Variants in MMP1 observed in about 807,000 individuals in gnomAD.
MMP1 encodes matrix metallopeptidase 1.
In MMP1, 51 loss-of-function variants were observed where a neutral mutation model predicts 49.6. That is an observed-to-expected ratio of 1.03 (90% confidence interval 0.82 to 1.30). The LOEUF (loss-of-function observed/expected upper bound fraction) is 1.30. MMP1 is among the 50% of genes most tolerant of loss of function. The pLI is 0.00. For synonymous variants in MMP1, 230 were observed against 196.8 expected, an observed-to-expected ratio of 1.17 and a Z score of -1.41; for missense variants, 623 against 568.7, an observed-to-expected ratio of 1.10 and a Z score of -0.97.
rs751676679 is a variant in MMP1 at position 102,795,148 on chromosome 11, A to G, written c.899+26T>C. 6 of 1,507,044 alleles carry G rather than the reference A, an allele frequency of 4.0e-6. No individual in the cohort carries two copies. In the African/African-American group the frequency reaches 4.1e-5, roughly 10 times the overall value. The allele number at this position is 1,507,044 out of a possible 1,614,324, so 93.4% of individuals were successfully genotyped here. On this transcript the variant is annotated intron_variant, in intron 6 of 9. Transcript: ENST00000315274. ...AATGTTGTTATTATTACAAATGCAGATCACAAAGAAGAACTGACATCTTAC... is the reference window on the plus strand; with the variant it reads ...AATGTTGTTATTATTACAAATGCAGGTCACAAAGAAGAACTGACATCTTAC...
At position 102,797,240 on chromosome 11, in the gene MMP1, C is replaced by T. The variant is rs538195322; in HGVS notation, c.350+16G>A. 2 of 1,614,026 alleles carry T rather than the reference C, an allele frequency of 1.2e-6. No individual in the cohort carries two copies. The highest frequency in any genetic ancestry group is 1.1e-5 in the South Asian group (1 of 91,056). On this transcript the variant is annotated intron_variant, in intron 2 of 9. Transcript: ENST00000315274. ...ATGGGAAATAGCTCTCTCACTCTGG[C>T]CCTCAGTCTGCCTACCTGTAGGTCA...
At position 102,794,908 on chromosome 11, in the gene MMP1, C is replaced by T. The variant is rs1858137715; in HGVS notation, c.899+266G>A. On this transcript the variant is annotated intron_variant, in intron 6 of 9. Transcript: ENST00000315274. This position sits in a 1 kb window ranked among gnomAD's most constrained non-coding sequence, Gnocchi z 4.3. Reference sequence around the variant, plus strand: ...AAAAGATCTCTTTCCTTCTCTCTGACTTACTTTGCTAATCTGTAAAAAAAG... The same window carrying T: ...AAAAGATCTCTTTCCTTCTCTCTGATTTACTTTGCTAATCTGTAAAAAAAG... 6.6e-6 allele frequency among the ~76,000 whole-genome samples: 1 copy of T among 152,194 alleles called. No homozygotes were observed. The highest frequency in any genetic ancestry group is 1.5e-5 in the Non-Finnish European group (1 of 68,040).
intron 6 of MMP1, among the ~76,000 whole-genome samples, chr11:102,793,705 T>C (rs557555796): frequency 6.6e-6 from 1 of 152,234 alleles, no homozygotes; most frequent in African/African-American, 2.4e-5. Flanking sequence ...GAGGCTAAGG[T>C]TGATTTTTAA....
At chr11:102,790,969 TA>T (rs1858012762) in intron 8 of MMP1, among the ~76,000 whole-genome samples, 163 bp from the exon 9 acceptor site, 1 of 152,240 alleles carries the variant, frequency 6.6e-6, no homozygotes, top group African/African-American at 2.4e-5. Context: ...TTGGGTGAAC[TA>T]AAAGGCCTTT....
chr11:102,797,925 C>A, intron 1 of MMP1, 63 bp downstream of exon 1: 2 of 1,249,906 alleles, frequency 1.6e-6, no homozygotes, highest in South Asian at 1.4e-5. Context: ...AACTCTATTA[C>A]ATTACTGCAG....
chr11:102,797,485 A>G lies in MMP1; in HGVS notation c.121T>C (p.Tyr41His). The G allele has an allele frequency of 3.1e-6, 5 of 1,613,934 alleles. No homozygotes were observed. Among genetic ancestry groups the G allele is most frequent in the Non-Finnish European group, 3.4e-6 (4 of 1,179,950 alleles). Reference sequence around the variant, plus strand: ...CTCCCATCATTCTTCAGGTTGTAGTATTTTTCCAGGTATTTCTGACAAAAG... The same window carrying G: ...CTCCCATCATTCTTCAGGTTGTAGTGTTTTTCCAGGTATTTCTGACAAAAG... ...VDLVQKYLEK[Y>H]YNLKNDGRQV... The change falls in exon 2 of 10, where the codon TAC becomes CAC. Residue 41 changes from tyrosine to histidine, a missense_variant. By Grantham distance (83) the Tyr-to-His change is moderately conservative (BLOSUM62 2). Transcript: ENST00000315274.
chr11:102,795,141 A>G lies in MMP1; in HGVS notation c.899+33T>C, dbSNP rs1338540902. ...AGTGGTGAATGTTGTTATTATTACA[A>G]ATGCAGATCACAAAGAAGAACTGAC... On this transcript the variant is annotated intron_variant, in intron 6 of 9. Transcript: ENST00000315274. 4.1e-6 allele frequency: 6 copies of G among 1,457,422 alleles called. No homozygotes were observed. In the East Asian group the frequency reaches 9.1e-5, roughly 22 times the overall value. The allele number at this position is 1,457,422 out of a possible 1,614,324, so 90.3% of individuals were successfully genotyped here.
chr11:102,796,779 G>T lies in MMP1; in HGVS notation c.510C>A (p.Asp170Glu), dbSNP rs747957502. The T allele has an allele frequency of 7.4e-6, 12 of 1,612,914 alleles. No individual in the cohort carries two copies. The East Asian group carries it at 2.5e-4, about 33-fold the overall frequency. The change falls in exon 4 of 10, where the codon GAC becomes GAA. Residue 170 changes from aspartate (D) to glutamate (E), a missense_variant. Coordinates refer to ENST00000315274, the MANE Select transcript of MMP1 (RefSeq NM_002421.4). The part of the protein sequence containing the change: ...MISFVRGDHR[D>E]NSPFDGPGGN... ...CTCCAGGTCCATCAAAAGGAGAGTT[G>T]TCCCGATGATCTGAAAGAAACAATT... is the stretch of plus-strand genomic sequence containing the variant.
Position 102,798,156 on chromosome 11 carries a change from A to G in MMP1, c.-64T>C, listed in dbSNP as rs56052220. The G allele has an allele frequency of 1.5e-6, 2 of 1,355,622 alleles. No homozygotes were observed. The highest frequency in any genetic ancestry group is 1.0e-6 in the Non-Finnish European group (1 of 983,766). The allele number at this position is 1,355,622 out of a possible 1,614,324, so 84.0% of individuals were successfully genotyped here. On this transcript the variant is annotated 5_prime_UTR_variant, in exon 1 of 10. Coordinates refer to ENST00000315274, the MANE Select transcript of MMP1 (RefSeq NM_002421.4). Reference sequence around the variant, plus strand: ...TGGCTTCCCAGCCTCTTGCTGCTCCAATATCCCAGCTAGGAAGCTCCCTCT... The same window carrying G: ...TGGCTTCCCAGCCTCTTGCTGCTCCGATATCCCAGCTAGGAAGCTCCCTCT...
In MMP1 at chr11:102,797,956, T is replaced by G. The variant is rs17880344; in HGVS notation, c.105+32A>C. Reference sequence around the variant, plus strand: ...TGCAGAAAAATACAAACTAAAAATTTACATTATTGTCACATGCAATGCAGC... The same window carrying G: ...TGCAGAAAAATACAAACTAAAAATTGACATTATTGTCACATGCAATGCAGC... On this transcript the variant is annotated intron_variant, in intron 1 of 9. Coordinates refer to ENST00000315274, the MANE Select transcript of MMP1 (RefSeq NM_002421.4). 0.069 allele frequency: 100,936 copies of G among 1,472,586 alleles called. 3,962 individuals carry two copies. Among genetic ancestry groups the G allele is most frequent in the Non-Finnish European group, 0.08 (84,915 of 1,066,186 alleles). The allele number at this position is 1,472,586 out of a possible 1,614,324, so 91.2% of individuals were successfully genotyped here.
At position 102,790,703 on chromosome 11, in the gene MMP1, C is replaced by G; in HGVS notation, c.1300G>C (p.Gly434Arg). The G allele has an allele frequency of 6.3e-7, 1 of 1,597,152 alleles. No homozygotes were observed. The highest frequency in any genetic ancestry group is 8.6e-7 in the Non-Finnish European group (1 of 1,164,778). The stretch of plus-strand genomic sequence containing the variant: ...AGGAAATACATGTATATTCACTTAC[C>G]ATCTTTCATGAAAACTGCATCAACT... ...HKVDAVFMKD[G>R]FFYFFHGTRQ... Residue 434 changes from glycine (G) to arginine (R), a missense_variant and splice_region_variant, in exon 9 of 10, where the codon GGA (glycine) becomes CGA (arginine). Physicochemically the swap from Gly to Arg is moderately radical, Grantham distance 125 (BLOSUM62 -2). Coordinates refer to ENST00000315274, the MANE Select transcript of MMP1 (RefSeq NM_002421.4).
intron 3 of MMP1, 84 bp from the exon 4 acceptor site, chr11:102,796,873 C>G: frequency 6.5e-7 from 1 of 1,550,100 alleles, no homozygotes; most frequent in Non-Finnish European, 8.7e-7. Flanking sequence ...TGTTAAGAGG[C>G]CAACAGACTT....
chr11:102,793,073 TTAATG>T, intron 6 of MMP1: 1 of 159,206 alleles, frequency 6.3e-6, no homozygotes, highest in Non-Finnish European at 1.4e-5. Flanking sequence ...ACCTTTTATT[TTAATG>T]TAATTTAATT....
intron 5 of MMP1, 24 bp from the exon 6 acceptor site, chr11:102,795,315 G>T (rs759012749): frequency 6.8e-6 from 11 of 1,609,874 alleles, no homozygotes; most frequent in East Asian, 2.2e-5. Flanking sequence ...AATACCTAGA[G>T]TTAGTTTTGC....
chr11:102,792,708 C>T lies in MMP1; in HGVS notation c.930G>A (p.Pro310=), dbSNP rs571363149. 143 of 1,613,506 alleles carry T rather than the reference C, an allele frequency of 8.9e-5. No homozygotes were observed. The highest frequency in any genetic ancestry group is 3.4e-4 in the South Asian group (31 of 90,994). Residue 310 remains proline (P), a synonymous_variant, in exon 7 of 10, where the codon CCG becomes CCA. Transcript: ENST00000315274. The part of the protein sequence containing the change: ...RFYMRTNPFY[P]EVELNFISVF... ...CAGAAATGAAATTGAGCTCAACTTCCGGGTAGAAGGGATTTGTGCGCATGT... is the reference window on the plus strand; with the variant it reads ...CAGAAATGAAATTGAGCTCAACTTCTGGGTAGAAGGGATTTGTGCGCATGT...
chr11:102,790,177 C>A lies in MMP1; in HGVS notation c.*235G>T. On this transcript the variant is annotated 3_prime_UTR_variant, in exon 10 of 10. Transcript: ENST00000315274. ...CTTTGCAACTCTGGCCTATATGAAT[C>A]CATAAGCCACAAACTTGACTTTTTG... 2.9e-6 allele frequency: 1 copy of A among 341,214 alleles called. No homozygotes were observed. The highest frequency in any genetic ancestry group is 2.1e-5 in the African/African-American group (1 of 46,544). 21.1% of individuals were successfully genotyped at this position (341,214 alleles called of 1,614,324 possible).
rs1190335075 is a variant in MMP1 at position 102,790,389 on chromosome 11, T to C, written c.*23A>G. 7.0e-7 allele frequency: 1 copy of C among 1,423,692 alleles called. No homozygotes were observed. Among genetic ancestry groups the C allele is most frequent in the Admixed American group, 1.8e-5 (1 of 55,338 alleles). 88.2% of individuals were successfully genotyped at this position (1,423,692 alleles called of 1,614,324 possible). A position where few individuals can be genotyped will look rare whatever the true frequency, so the allele number is the denominator to read the frequency against. Reference sequence around the variant, plus strand: ...ACCTTCTTTGGACTCACACCATGTGTTTTCCATTCAAATTAGTAATGTTCA... The same window carrying C: ...ACCTTCTTTGGACTCACACCATGTGCTTTCCATTCAAATTAGTAATGTTCA... On this transcript the variant is annotated 3_prime_UTR_variant, in exon 10 of 10. Coordinates refer to ENST00000315274, the MANE Select transcript of MMP1 (RefSeq NM_002421.4).
At chr11:102,793,305 G>C (rs1174181011) in intron 6 of MMP1, 3 of 152,144 alleles carry the variant, frequency 2.0e-5, no homozygotes, top group Non-Finnish European at 4.4e-5. Flanking sequence ...TTTTAGTAGA[G>C]ACAGGGTTTC....
At position 102,790,757 on chromosome 11, in the gene MMP1, C is replaced by T. The variant is rs1275475960; in HGVS notation, c.1246G>A (p.Ala416Thr). ...TGGCCAATTCCAGGAAAGTCATGTG[C>T]TATCATTTTGGGATAACCTGGATCC... is the stretch of plus-strand genomic sequence containing the variant. ...SMDPGYPKMI[A>T]HDFPGIGHKV... The change falls in exon 9 of 10, where the codon GCA becomes ACA. Residue 416 changes from alanine to threonine, a missense_variant. By Grantham distance (58) the Ala-to-Thr change is moderately conservative (BLOSUM62 0). Transcript: ENST00000315274. 1.2e-6 allele frequency: 2 copies of T among 1,613,606 alleles called. No homozygotes were observed. The highest frequency in any genetic ancestry group is 1.7e-5 in the Admixed American group (1 of 60,014).
Sources: gnomAD v4.1 joint callset for allele counts (sites outside exome capture counted in the v4.1 genomes callset) on GRCh38, gnomAD v4.1.1 for gene constraint, Gnocchi (gnomAD v3.1) non-coding constraint, MANE v1.5 for transcripts, NCBI Gene and HGNC (gene_info 2026-07-23, HGNC 2026-07-21) for gene names.